The following USP53 variants were observed in gnomAD, a reference collection of about 807,000 sequenced individuals.
USP53 encodes ubiquitin carboxyl-terminal hydrolase 53.
In USP53, 71 loss-of-function variants were observed where a neutral mutation model predicts 94.9. The observed-to-expected ratio is 0.75, with a 90% CI of 0.62 to 0.91. USP53 has a LOEUF of 0.91. Ranked by LOEUF, USP53 falls within the 40% of genes least tolerant of loss-of-function variation. The pLI, the probability that USP53 is intolerant of heterozygous loss-of-function variation, is 0.00. For synonymous variants in USP53, 375 were observed against 422.7 expected, an observed-to-expected ratio of 0.89 and a Z score of 1.39; for missense variants, 1,173 against 1,281.0, an observed-to-expected ratio of 0.92 and a Z score of 1.29.
intron 17 of USP53, among the ~76,000 whole-genome samples, chr4:119,286,304 T>C (rs765127436): frequency 1.2e-4 from 18 of 151,804 alleles, no homozygotes; most frequent in Non-Finnish European, 2.4e-4. Context: ...ATACTCTGCT[T>C]TGGGTTTTTT....
intron 6 of USP53, 130 bp downstream of exon 6, chr4:119,245,559 TAAC>T: frequency 1.4e-6 from 1 of 710,658 alleles, no homozygotes; most frequent in South Asian, 1.9e-5. Flanking sequence ...GATGAATTCT[TAAC>T]AGTATGACTT....
chr4:119,252,157 A>G (rs982903391), intron 7 of USP53, among the ~76,000 whole-genome samples: 4 of 152,038 alleles, frequency 2.6e-5, no homozygotes, highest in African/African-American at 9.7e-5. Flanking sequence ...GAGGATTTTC[A>G]CTTTAATGTT....
At chr4:119,216,911 A>G (rs896624753) in intron 2 of USP53, among the ~76,000 whole-genome samples, 3 of 152,182 alleles carry the variant, frequency 2.0e-5, no homozygotes, top group African/African-American at 7.2e-5. Context: ...GTTAAAAATC[A>G]TTTTACGTGG....
chr4:119,249,406 G>A (rs959725478), intron 7 of USP53, among the ~76,000 whole-genome samples: 9 of 152,112 alleles, frequency 5.9e-5, no homozygotes, highest in Admixed American at 3.9e-4. Flanking sequence ...CTTTGATCAG[G>A]TACATACTTT....
rs141254184 is a variant in USP53, at chr4:119,265,730, C to T, written c.973-1590C>T. Among the ~76,000 whole-genome samples the T allele has an allele frequency of 1.1e-4, 17 of 152,220 alleles. No homozygotes were observed. The South Asian group carries it at 3.1e-3, about 28-fold the overall frequency. ...ATGGACTCCTCAAGTCTCTTGGAAT[C>T]CCCAGTGAGGAGGGTAAACAGCTGA... is the stretch of plus-strand genomic sequence containing the variant. On this transcript the variant is annotated intron_variant, in intron 12 of 18. Coordinates refer to ENST00000692078, the MANE Select transcript of USP53 (RefSeq NM_001371395.1).
chr4:119,239,019 A>T (rs1010176087), intron 4 of USP53, among the ~76,000 whole-genome samples, 199 bp from the exon 5 acceptor site: 2 of 152,136 alleles, frequency 1.3e-5, no homozygotes, highest in African/African-American at 4.8e-5. Flanking sequence ...AGCTTAAGGT[A>T]GGTAGGGATT....
In USP53 at chr4:119,269,795, G is replaced by A. The variant is rs1411617050; in HGVS notation, c.1393G>A (p.Asp465Asn). The change falls in exon 15 of 19, where the codon GAT becomes AAT. Residue 465 changes from aspartate to asparagine, a missense_variant. Coordinates refer to ENST00000692078, the MANE Select transcript of USP53 (RefSeq NM_001371395.1). ...QKNLLSSQRK[D>N]LEKGQRKDLG... ...AAACTTACTTTCTTCACAAAGGAAA[G>A]ATTTAGAGAAGGGACAAAGAAAAGA... The A allele has an allele frequency of 1.3e-6, 2 of 1,526,926 alleles. No individual in the cohort carries two copies. Among genetic ancestry groups the A allele is most frequent in the Non-Finnish European group, 1.8e-6 (2 of 1,138,620 alleles). The allele number at this position is 1,526,926 out of a possible 1,614,324, so 94.6% of individuals were successfully genotyped here.
chr4:119,240,229 C>G (rs1171582930), intron 5 of USP53, among the ~76,000 whole-genome samples: 3 of 151,948 alleles, frequency 2.0e-5, no homozygotes, highest in Non-Finnish European at 2.9e-5. Flanking sequence ...GAAAAAACAT[C>G]CAGTATATGG....
chr4:119,272,809 T>C (rs531208517), intron 16 of USP53: 1 of 152,222 alleles, frequency 6.6e-6, no homozygotes, highest in African/African-American at 2.4e-5. Context: ...ATGGAAGAGA[T>C]ATTTTCCCTT....
chr4:119,281,822 T>G (rs184306898), intron 17 of USP53, among the ~76,000 whole-genome samples: 1 of 152,268 alleles, frequency 6.6e-6, no homozygotes, highest in Non-Finnish European at 1.5e-5. Context: ...AAAATATGTA[T>G]AGCCAAATTT....
rs748046927 is a variant in USP53 at position 119,292,809 on chromosome 4, C to G, written c.2820C>G (p.Ser940Arg). 2 of 1,610,694 alleles carry G rather than the reference C, an allele frequency of 1.2e-6. No individual in the cohort carries two copies. The highest frequency in any genetic ancestry group is 1.7e-6 in the Non-Finnish European group (2 of 1,178,808). ...CCAGTGTGCCACAGTCAGAGAAAAG[C>G]GAATCTACACCTGATGTCAAACTTA... Reference protein sequence around the residue: ...AITSVPQSEKSESTPDVKLTE... With the variant: ...AITSVPQSEKRESTPDVKLTE... The change falls in exon 19 of 19, where the codon AGC (serine) becomes AGG (arginine). Residue 940 changes from serine (S) to arginine (R), a missense_variant. Ser to Arg is a moderately radical substitution (Grantham distance 110, BLOSUM62 -1). Transcript: ENST00000692078.
intron 12 of USP53, 99 bp from the exon 13 acceptor site, chr4:119,267,221 A>T: frequency 8.2e-7 from 1 of 1,212,262 alleles, no homozygotes; most frequent in Non-Finnish European, 1.1e-6. Context: ...GCATATCTAA[A>T]TTTTTTAAAA....
intron 3 of USP53, among the ~76,000 whole-genome samples, chr4:119,231,401 G>A (rs1006412809): frequency 8.5e-5 from 13 of 152,082 alleles, no homozygotes; most frequent in Non-Finnish European, 1.5e-4. Context: ...AATAGTTGTT[G>A]CCATGTTGAT....
At position 119,231,749 on chromosome 4, in the gene USP53, A is replaced by G. The variant is rs142894973; in HGVS notation, c.-664-3541A>G. On this transcript the variant is annotated intron_variant, in intron 3 of 18. Transcript: ENST00000692078. The stretch of plus-strand genomic sequence containing the variant: ...GGAGGAAACCAGGCACAAACTTCCA[A>G]TTGTCCTCTGCCAGTGGAGTCACAC... Among the ~76,000 whole-genome samples, 77 of 152,218 alleles carry G rather than the reference A, an allele frequency of 5.1e-4. 1 individual carries two copies. Among genetic ancestry groups the G allele is most frequent in the African/African-American group, 1.8e-3 (75 of 41,512 alleles).
chr4:119,232,278 C>T (rs1475032774), intron 3 of USP53, among the ~76,000 whole-genome samples: 3 of 152,078 alleles, frequency 2.0e-5, no homozygotes, highest in Non-Finnish European at 4.4e-5. Flanking sequence ...TAACGATCAC[C>T]CCTCATTCTC....
chr4:119,293,973 C>G lies in USP53; in HGVS notation c.*762C>G, dbSNP rs560644690. The stretch of plus-strand genomic sequence containing the variant: ...GAATATCTAGTTAAGATAAATTAGG[C>G]CTTTGACTATTATAGGTATTCATAA... On this transcript the variant is annotated 3_prime_UTR_variant, in exon 19 of 19. Transcript: ENST00000692078. 1 of 151,814 alleles carries G rather than the reference C, an allele frequency of 6.6e-6. No individual in the cohort carries two copies. The highest frequency in any genetic ancestry group is 1.5e-5 in the Non-Finnish European group (1 of 67,912). The allele number at this position is 151,814 out of a possible 1,614,324, so 9.4% of individuals were successfully genotyped here. A position where few individuals can be genotyped will look rare whatever the true frequency, so the allele number is the denominator to read the frequency against.
Position 119,271,833 on chromosome 4 carries a change from C to A in USP53, c.1973C>A (p.Ser658Tyr). The change falls in exon 16 of 19, where the codon TCT becomes TAT. Residue 658 changes from serine (S) to tyrosine (Y), a missense_variant. Ser to Tyr is a moderately radical substitution (Grantham distance 144). Transcript: ENST00000692078. ...ATAGGAAGCAGAAGTTCCCTTGAATCTAATGGAAAAGGAGCAGAGAAAAAT... is the reference window on the plus strand; with the variant it reads ...ATAGGAAGCAGAAGTTCCCTTGAATATAATGGAAAAGGAGCAGAGAAAAAT... ...QEIGSRSSLE[S>Y]NGKGAEKNKG... 2 of 1,612,904 alleles carry A rather than the reference C, an allele frequency of 1.2e-6. No individual in the cohort carries two copies. The highest frequency in any genetic ancestry group is 1.7e-6 in the Non-Finnish European group (2 of 1,179,758).
In USP53 at chr4:119,268,412, A is replaced by G. The variant is rs189360551; in HGVS notation, c.1280A>G (p.Lys427Arg). ...AGCCACAGTCACACAGGTGTAGGGA[A>G]AGGACCAGGTATGTGTTTAAATTGT... ...NRSHSHTGVGKGPAKLSHIDQ... is the reference protein window; with the variant it reads ...NRSHSHTGVGRGPAKLSHIDQ... Residue 427 changes from lysine (K) to arginine (R), a missense_variant, in exon 14 of 19, where the codon AAA becomes AGA. Lys to Arg is a conservative substitution (Grantham distance 26). Coordinates refer to ENST00000692078, the MANE Select transcript of USP53 (RefSeq NM_001371395.1). The G allele has an allele frequency of 4.6e-5, 74 of 1,610,232 alleles. No homozygotes were observed. The African/African-American group carries it at 7.9e-4, about 17-fold the overall frequency.
At chr4:119,286,888 A>T (rs1182720195) in intron 17 of USP53, among the ~76,000 whole-genome samples, 1 of 152,062 alleles carries the variant, frequency 6.6e-6, no homozygotes, top group Admixed American at 6.5e-5. Context: ...AGCCTCAGGC[A>T]GTGTGTCAGG....
Sources: gnomAD v4.1 joint callset for allele counts (sites outside exome capture counted in the v4.1 genomes callset) on GRCh38, gnomAD v4.1.1 for gene constraint, MANE v1.5 for transcripts, NCBI Gene and HGNC (gene_info 2026-07-23, HGNC 2026-07-21) for gene names.